KIAA0319L: variants seen among roughly 807,000 people sequenced by gnomAD.
KIAA0319L encodes dyslexia-associated protein KIAA0319-like protein.
KIAA0319L carries 55 observed loss-of-function variants against 120.1 expected under a neutral mutation model. That is an observed-to-expected ratio of 0.46 (90% CI 0.37 to 0.57). KIAA0319L has a LOEUF of 0.57. KIAA0319L is among the 20% of genes least tolerant of loss of function. KIAA0319L has a pLI of 0.00. For synonymous variants in KIAA0319L, 398 were observed against 471.9 expected (o/e 0.84, Z 2.03); for missense variants, 1,049 against 1,255.3 (o/e 0.84, Z 2.48).
intron 3 of KIAA0319L, among the ~76,000 whole-genome samples, chr1:35,494,321 C>T (rs1258142265): frequency 5.3e-5 from 8 of 151,660 alleles, no homozygotes; most frequent in South Asian, 2.1e-4. Flanking sequence ...TGGTGGTGGG[C>T]GCCTGTCATC....
At chr1:35,497,762 T>C (rs1285272482) in intron 3 of KIAA0319L, among the ~76,000 whole-genome samples, 1 of 152,184 alleles carries the variant, frequency 6.6e-6, no homozygotes, top group Admixed American at 6.5e-5. Context: ...TTGCACAATG[T>C]CCATTTTCCC....
At chr1:35,459,279 G>A (rs985636971) in intron 9 of KIAA0319L, among the ~76,000 whole-genome samples, 2 of 152,294 alleles carry the variant, frequency 1.3e-5, no homozygotes, top group South Asian at 4.1e-4. Flanking sequence ...GTCAAGGAGT[G>A]AAGTGGAATG....
intron 2 of KIAA0319L, among the ~76,000 whole-genome samples, chr1:35,509,534 A>AAAGCC (rs1284333161): frequency 6.6e-6 from 1 of 152,250 alleles, no homozygotes; most frequent in Non-Finnish European, 1.5e-5. Context: ...CAAGCCAAGG[A>AAAGCC]AAGCCAGGAT....
intron 3 of KIAA0319L, among the ~76,000 whole-genome samples, chr1:35,495,622 A>G (rs1253259832): frequency 2.0e-5 from 3 of 151,988 alleles, no homozygotes; most frequent in African/African-American, 7.2e-5. Context: ...AAAATAACAC[A>G]GTTTTTTTGT....
chr1:35,506,492 T>G lies in KIAA0319L; in HGVS notation c.666+120A>C. 1 of 964,738 alleles carries G rather than the reference T, an allele frequency of 1.0e-6. No individual in the cohort carries two copies. Among genetic ancestry groups the G allele is most frequent in the Non-Finnish European group, 1.6e-6 (1 of 643,744 alleles). 59.8% of individuals were successfully genotyped at this position (964,738 alleles called of 1,614,324 possible). On this transcript the variant is annotated intron_variant, in intron 3 of 20. Transcript: ENST00000325722. The surrounding 1 kb of genome is among the most constrained non-coding windows in gnomAD (Gnocchi z 4.0). ...CCAAAGAAGCTGACACCAAGCAGCT[T>G]TATATATACACTCCTCAGCCTATGA... is the stretch of plus-strand genomic sequence containing the variant.
Position 35,441,040 on chromosome 1 carries a change from C to T in KIAA0319L, c.2962+7G>A, listed in dbSNP as rs756712402. On this transcript the variant is annotated splice_region_variant and intron_variant, in intron 20 of 20. Coordinates refer to ENST00000325722, the MANE Select transcript of KIAA0319L (RefSeq NM_024874.5). ...GACCTAGAAGCTCTGGCACCCAGGGCCCCTACCTGCTCGGGAGGTTGGCTT... is the reference window on the plus strand; with the variant it reads ...GACCTAGAAGCTCTGGCACCCAGGGTCCCTACCTGCTCGGGAGGTTGGCTT... The T allele has an allele frequency of 2.5e-6, 4 of 1,611,450 alleles. No homozygotes were observed. The highest frequency in any genetic ancestry group is 3.4e-6 in the Non-Finnish European group (4 of 1,177,540).
chr1:35,435,069 T>C lies in KIAA0319L; in HGVS notation c.2975A>G (p.Lys992Arg). ...KPTSRAGIKQ[K>R]GLLLSSSLMH... ...CAGGCTGCTACTTAGCAAAAGGCCT[T>C]TCTGTTTGATGCCTGCAGGGAAAAC... is the stretch of plus-strand genomic sequence containing the variant. The change falls in exon 21 of 21, where the codon AAA becomes AGA. Residue 992 changes from lysine to arginine, a missense_variant. Physicochemically the swap from Lys to Arg is conservative, Grantham distance 26. Transcript: ENST00000325722. The C allele has an allele frequency of 6.2e-7, 1 of 1,613,974 alleles. No homozygotes were observed. The highest frequency in any genetic ancestry group is 8.5e-7 in the Non-Finnish European group (1 of 1,179,942).
chr1:35,507,179 G>A (rs762926409), intron 2 of KIAA0319L, 44 bp from the exon 3 acceptor site: 40 of 1,504,330 alleles, frequency 2.7e-5, no homozygotes, highest in Non-Finnish European at 3.6e-5. Context: ...AATAAAAACA[G>A]AGACTACTGC....
At chr1:35,552,558 T>G (rs896129774) in intron 2 of KIAA0319L, among the ~76,000 whole-genome samples, 1 of 152,172 alleles carries the variant, frequency 6.6e-6, no homozygotes, top group Non-Finnish European at 1.5e-5. Context: ...TATTTTTGGG[T>G]TATCATGAAG....
intron 3 of KIAA0319L, among the ~76,000 whole-genome samples, chr1:35,491,705 G>A (rs1644601197): frequency 6.6e-6 from 1 of 151,958 alleles, no homozygotes; most frequent in African/African-American, 2.4e-5. Context: ...AACCAAACAT[G>A]GTTCTTTGAG....
chr1:35,441,208 G>T, intron 19 of KIAA0319L, 70 bp from the exon 20 acceptor site: 1 of 1,358,136 alleles, frequency 7.4e-7, no homozygotes, highest in Non-Finnish European at 1.1e-6. Context: ...AGAGCCAGAT[G>T]TGCATGCAGG....
intron 20 of KIAA0319L, chr1:35,440,742 A>C (rs1479431860): frequency 2.6e-6 from 1 of 390,820 alleles, no homozygotes; most frequent in African/African-American, 2.0e-5. Context: ...CCTGACCCTG[A>C]CTACCTGGGG....
chr1:35,486,963 C>G (rs539342326), intron 3 of KIAA0319L, among the ~76,000 whole-genome samples: 1 of 152,228 alleles, frequency 6.6e-6, no homozygotes, highest in South Asian at 2.1e-4. Flanking sequence ...CATATGATAG[C>G]TACTTTGAAG....
In KIAA0319L at chr1:35,506,928, C is replaced by T. The variant is rs866481057; in HGVS notation, c.350G>A (p.Arg117Gln). The T allele has an allele frequency of 8.7e-6, 14 of 1,613,902 alleles. No homozygotes were observed. The African/African-American group carries it at 1.1e-4, about 12-fold the overall frequency. The change falls in exon 3 of 21, where the codon CGG becomes CAG. Residue 117 changes from arginine to glutamine, a missense_variant. Coordinates refer to ENST00000325722, the MANE Select transcript of KIAA0319L (RefSeq NM_024874.5). The surrounding 1 kb of genome is among the most constrained non-coding windows in gnomAD (Gnocchi z 4.0). The stretch of plus-strand genomic sequence containing the variant: ...ATTGGAGGAGTGTGTCCTAAAAGCC[C>T]GGCAGCTCTGGGGCCTGCTGCAGTC... ...QADCSRPQSC[R>Q]AFRTHSSNSM...
At chr1:35,460,478 T>G (rs1642813418) in intron 8 of KIAA0319L, 41 bp from the exon 9 acceptor site, 2 of 1,601,014 alleles carry the variant, frequency 1.2e-6, no homozygotes, top group Non-Finnish European at 1.7e-6. Context: ...TGAGAACGCT[T>G]GGTCTTAGCA....
chr1:35,448,074 C>G, intron 16 of KIAA0319L, 99 bp downstream of exon 16: 1 of 1,176,978 alleles, frequency 8.5e-7, no homozygotes, highest in Non-Finnish European at 1.2e-6. Flanking sequence ...GGTCAGAAAG[C>G]CCACCTTTCT....
chr1:35,554,683 A>G (rs2148524156), intron 1 of KIAA0319L, 164 bp from the exon 2 acceptor site: 1 of 451,076 alleles, frequency 2.2e-6, no homozygotes, highest in Middle Eastern at 4.8e-4. Context: ...GCTTTGAGGT[A>G]GCCTATAATT....
chr1:35,468,904 T>G (rs1185777940), intron 6 of KIAA0319L, among the ~76,000 whole-genome samples: 1 of 152,238 alleles, frequency 6.6e-6, no homozygotes, highest in East Asian at 1.9e-4. Flanking sequence ...CTCCAGTTTT[T>G]AGTTTTGTCA....
chr1:35,441,007 A>T, intron 20 of KIAA0319L, 40 bp downstream of exon 20: 1 of 1,470,940 alleles, frequency 6.8e-7, no homozygotes, highest in Non-Finnish European at 9.5e-7. Flanking sequence ...CCACAGAGAG[A>T]GTGCACAGAC....
Sources: gnomAD v4.1 joint callset for allele counts (sites outside exome capture counted in the v4.1 genomes callset) on GRCh38, gnomAD v4.1.1 for gene constraint, Gnocchi (gnomAD v3.1) non-coding constraint, MANE v1.5 for transcripts, NCBI Gene and HGNC (gene_info 2026-07-23, HGNC 2026-07-21) for gene names.